The following GRID2 variants were observed in gnomAD, a reference collection of about 807,000 sequenced individuals.
GRID2 encodes the protein glutamate ionotropic receptor delta type subunit 2.
In GRID2, 33 loss-of-function variants were observed where a neutral mutation model predicts 114.8. That is an observed-to-expected ratio of 0.29 (90% CI 0.22 to 0.38). The LOEUF (loss-of-function observed/expected upper bound fraction) is 0.38, where lower values mean the gene tolerates loss of function less well. Among genes scored for constraint, GRID2 ranks in the 10% least tolerant of loss-of-function variants. The pLI is 1.00. For missense variants in GRID2, 1,184 were observed against 1,257.7 expected (o/e 0.94, Z 0.89); for synonymous variants, 505 against 449.9 (o/e 1.12, Z -1.55).
intron 1 of GRID2, among the ~76,000 whole-genome samples, chr4:92,537,024 T>C (rs1725671725): frequency 6.6e-6 from 1 of 152,180 alleles, no homozygotes; most frequent in Admixed American, 6.5e-5. Flanking sequence ...CTTCCTTCTA[T>C]AAATAGGCTT....
intron 14 of GRID2, among the ~76,000 whole-genome samples, chr4:93,735,757 C>G (rs1730871554): frequency 6.6e-6 from 1 of 152,008 alleles, no homozygotes; most frequent in South Asian, 2.1e-4. Context: ...TCAGGGTTGG[C>G]CAGCCTACAT....
At chr4:92,394,058 C>T (rs1730377649) in intron 1 of GRID2, among the ~76,000 whole-genome samples, 1 of 152,070 alleles carries the variant, frequency 6.6e-6, no homozygotes, top group African/African-American at 2.4e-5. Flanking sequence ...TAAGGTTACT[C>T]ACTGAGTCGG....
At chr4:93,180,349 C>G (rs1401802558) in intron 4 of GRID2, among the ~76,000 whole-genome samples, 1 of 152,020 alleles carries the variant, frequency 6.6e-6, no homozygotes, top group African/African-American at 2.4e-5. Context: ...TAATTTATTG[C>G]TAAAGAATGC....
chr4:92,559,687 A>G (rs1409606314), intron 1 of GRID2, among the ~76,000 whole-genome samples: 4 of 152,214 alleles, frequency 2.6e-5, no homozygotes, highest in African/African-American at 9.6e-5. Flanking sequence ...TTCAAATATC[A>G]CCACATAAGT....
intron 1 of GRID2, among the ~76,000 whole-genome samples, chr4:92,486,571 A>ACACACACACACACG (rs1306998634): frequency 6.6e-6 from 1 of 151,304 alleles, no homozygotes; most frequent in Non-Finnish European, 1.5e-5. Context: ...ACACACACAC[A>ACACACACACACACG]CACACACACA....
chr4:92,781,754 A>G (rs770791970), intron 2 of GRID2, among the ~76,000 whole-genome samples: 39 of 152,012 alleles, frequency 2.6e-4, no homozygotes, highest in Non-Finnish European at 4.7e-4. Context: ...AGTGCTGTTT[A>G]CCTATATTTT....
At chr4:93,444,308 G>A (rs1721892347) in intron 10 of GRID2, among the ~76,000 whole-genome samples, 1 of 151,972 alleles carries the variant, frequency 6.6e-6, no homozygotes, top group Admixed American at 6.6e-5. Flanking sequence ...TTTAAAAGGA[G>A]ATCAGCATGT....
chr4:92,520,147 A>T (rs9992334), intron 1 of GRID2, among the ~76,000 whole-genome samples: 5,837 of 151,864 alleles, frequency 0.038, 388 homozygotes, highest in African/African-American at 0.13. Context: ...GAAGTTCATA[A>T]TTTTTCCTAA....
chr4:92,541,318 GA>G (rs1018281099), intron 1 of GRID2, among the ~76,000 whole-genome samples: 241 of 143,590 alleles, frequency 1.7e-3, no homozygotes, highest in African/African-American at 5.4e-3. Context: ...TAAGAGTCAG[GA>G]AAAAAAAAAG....
At chr4:92,613,343 A>G (rs1162832497) in intron 2 of GRID2, among the ~76,000 whole-genome samples, 1 of 151,456 alleles carries the variant, frequency 6.6e-6, no homozygotes, top group Non-Finnish European at 1.5e-5. Flanking sequence ...TTAAGGACTC[A>G]TGAATCTGTA....
intron 1 of GRID2, among the ~76,000 whole-genome samples, chr4:93,797,248 A>G (rs762893853): frequency 6.6e-6 from 1 of 152,236 alleles, no homozygotes; most frequent in African/African-American, 2.4e-5. Flanking sequence ...AATTCCACTT[A>G]CATGTCAAAA....
intron 14 of GRID2, among the ~76,000 whole-genome samples, chr4:93,750,628 C>A (rs1376220786): frequency 6.6e-6 from 1 of 151,982 alleles, no homozygotes; most frequent in African/African-American, 2.4e-5. Context: ...TGGTGGCAGG[C>A]CCCTGTAGTC....
At chr4:92,746,679 G>C (rs1737163894) in intron 2 of GRID2, among the ~76,000 whole-genome samples, 1 of 151,942 alleles carries the variant, frequency 6.6e-6, no homozygotes, top group African/African-American at 2.4e-5. Flanking sequence ...ATGCATGCTG[G>C]GATTCTGAAG....
chr4:92,851,279 C>T (rs981716553), intron 2 of GRID2, among the ~76,000 whole-genome samples: 1 of 151,760 alleles, frequency 6.6e-6, no homozygotes, highest in Non-Finnish European at 1.5e-5. Flanking sequence ...TTTTTTTACT[C>T]TTGATGGTAA....
intron 1 of GRID2, among the ~76,000 whole-genome samples, chr4:92,470,284 A>C (rs186428251): frequency 6.6e-6 from 1 of 152,086 alleles, no homozygotes; most frequent in Admixed American, 6.6e-5. Context: ...TCATCCAAAA[A>C]AAATCATCAT....
intron 2 of GRID2, among the ~76,000 whole-genome samples, chr4:92,629,527 G>A (rs1314529735): frequency 6.6e-6 from 1 of 151,914 alleles, no homozygotes; most frequent in Non-Finnish European, 1.5e-5. Flanking sequence ...GGAAAGAGGT[G>A]GAAAATGGAA....
chr4:93,294,510 A>T (rs1579574557), intron 8 of GRID2, among the ~76,000 whole-genome samples: 1 of 152,202 alleles, frequency 6.6e-6, no homozygotes, highest in Non-Finnish European at 1.5e-5. Context: ...AAGAAAAAAC[A>T]TCTAGGATAT....
intron 1 of GRID2, among the ~76,000 whole-genome samples, chr4:92,406,520 A>G (rs1579308459): frequency 6.6e-6 from 1 of 152,132 alleles, no homozygotes; most frequent in East Asian, 1.9e-4. Flanking sequence ...AAGTGACTAG[A>G]GTTTTGGGTA....
chr4:93,011,423 G>C (rs373857403), intron 2 of GRID2, among the ~76,000 whole-genome samples: 4 of 151,956 alleles, frequency 2.6e-5, no homozygotes, highest in African/African-American at 9.7e-5. Context: ...CTTCTCCCCA[G>C]AGGTGTTGTG....
Sources: gnomAD v4.1 joint callset for allele counts (sites outside exome capture counted in the v4.1 genomes callset) on GRCh38, gnomAD v4.1.1 for gene constraint, MANE v1.5 for transcripts, NCBI Gene and HGNC (gene_info 2026-07-23, HGNC 2026-07-21) for gene names.